COL24A1: variants seen among roughly 807,000 people sequenced by gnomAD.
COL24A1 encodes the protein collagen type XXIV alpha 1 chain, also known as collagen alpha-1(XXIV) chain.
Under a neutral mutation model 253.9 loss-of-function variants are expected in COL24A1, and 224 were observed. The ratio of observed to expected loss-of-function variants is 0.88; its 90% CI spans 0.79 to 0.99. The LOEUF (loss-of-function observed/expected upper bound fraction) is 0.99. Ranked by LOEUF, COL24A1 falls within the 50% of genes least tolerant of loss-of-function variation. The pLI, the probability that COL24A1 is intolerant of heterozygous loss-of-function variation, is 0.00. For missense variants in COL24A1, 2,131 were observed against 2,068.5 expected (o/e 1.03, Z -0.59); for synonymous variants, 685 against 673.7 (o/e 1.02, Z -0.26).
chr1:85,901,378 T>C (rs1684273896), intron 28 of COL24A1, among the ~76,000 whole-genome samples: 1 of 152,084 alleles, frequency 6.6e-6, no homozygotes, highest in African/African-American at 2.4e-5. Flanking sequence ...GAAGAATGAC[T>C]ATTATTAAAA....
chr1:85,875,207 C>T, intron 34 of COL24A1, 70 bp downstream of exon 34: 1 of 1,309,792 alleles, frequency 7.6e-7, no homozygotes, highest in Non-Finnish European at 1.1e-6. Flanking sequence ...ATAGGGGATT[C>T]AATGGTAGCA....
intron 37 of COL24A1, among the ~76,000 whole-genome samples, chr1:85,865,376 C>T (rs899987050): frequency 4.6e-5 from 7 of 151,900 alleles, no homozygotes. Flanking sequence ...AAGCTGAAAG[C>T]CATTTAAAAT....
At chr1:85,913,836 C>T (rs1006227087) in intron 24 of COL24A1, among the ~76,000 whole-genome samples, 4 of 152,308 alleles carry the variant, frequency 2.6e-5, no homozygotes, top group African/African-American at 9.6e-5. Context: ...CCAAATTCTT[C>T]CGGAATGAAG....
chr1:85,824,453 A>G (rs1673998455), intron 43 of COL24A1, among the ~76,000 whole-genome samples: 1 of 152,170 alleles, frequency 6.6e-6, no homozygotes, highest in African/African-American at 2.4e-5. Flanking sequence ...TTGAGAATAC[A>G]TTTCTTTTTC....
chr1:85,995,157 AT>A (rs11316655), intron 19 of COL24A1, among the ~76,000 whole-genome samples: 59,735 of 151,872 alleles, frequency 0.39, 12,207 homozygotes, highest in East Asian at 0.58. Context: ...TATTTACAGT[AT>A]TTTTTTTAAA....
At position 85,781,294 on chromosome 1, in the gene COL24A1, C is replaced by G. The variant is rs772189215; in HGVS notation, c.4285-21G>C. 30 of 1,560,374 alleles carry G rather than the reference C, an allele frequency of 1.9e-5. No individual in the cohort carries two copies. In the South Asian group the frequency reaches 3.2e-4, roughly 16 times the overall value. The stretch of plus-strand genomic sequence containing the variant: ...TTTCCCTGTTGAGGTAAAAGAAAAA[C>G]AGTCTCACTGTTAGTATAATTAAAA... On this transcript the variant is annotated intron_variant, in intron 51 of 59. Transcript: ENST00000370571.
intron 57 of COL24A1, among the ~76,000 whole-genome samples, chr1:85,739,726 C>G (rs1203280941): frequency 6.6e-6 from 1 of 152,102 alleles, no homozygotes; most frequent in Admixed American, 6.5e-5. Context: ...ATAGATGATG[C>G]TTTCAACATG....
At chr1:85,999,103 C>T (rs540871151) in intron 19 of COL24A1, among the ~76,000 whole-genome samples, 1 of 152,220 alleles carries the variant, frequency 6.6e-6, no homozygotes, top group South Asian at 2.1e-4. Context: ...TAGGGCCTCA[C>T]AGATGATTAA....
chr1:85,911,982 C>T lies in COL24A1; in HGVS notation c.2563-549G>A, dbSNP rs76073221. On this transcript the variant is annotated intron_variant, in intron 24 of 59. Transcript: ENST00000370571. ...GGCAAAAAGTCTCATAACAGGGAGA[C>T]AAAAGCAACTAAATTAAAAGTTAAA... Among the ~76,000 whole-genome samples the T allele has an allele frequency of 6.6e-5, 10 of 152,042 alleles. No individual in the cohort carries two copies. The East Asian group carries it at 1.9e-3, about 29-fold the overall frequency.
intron 43 of COL24A1, among the ~76,000 whole-genome samples, chr1:85,824,565 T>C (rs982199497): frequency 6.6e-6 from 1 of 152,100 alleles, no homozygotes; most frequent in East Asian, 1.9e-4. Flanking sequence ...CTGGGAGCAG[T>C]TACTGGGAGG....
Position 86,022,956 on chromosome 1 carries a change from T to A in COL24A1, c.2101A>T (p.Met701Leu). ...CCATTATACAAATAGAACCATACCA[T>A]TGGGCCAGGAATTCCAGCAGGTCCA... is the stretch of plus-strand genomic sequence containing the variant. ...PIGPAGIPGPMGLSGNKGLPG... is the reference protein window; with the variant it reads ...PIGPAGIPGPLGLSGNKGLPG... Residue 701 changes from methionine (M) to leucine (L), a missense_variant and splice_region_variant, in exon 15 of 60, where the codon ATG becomes TTG. Physicochemically the swap from Met to Leu is conservative, Grantham distance 15. Transcript: ENST00000370571. 1 of 1,613,276 alleles carries A rather than the reference T, an allele frequency of 6.2e-7. No homozygotes were observed. Among genetic ancestry groups the A allele is most frequent in the Non-Finnish European group, 8.5e-7 (1 of 1,179,518 alleles).
At chr1:85,860,086 G>A (rs1264546507) in intron 37 of COL24A1, among the ~76,000 whole-genome samples, 1 of 152,150 alleles carries the variant, frequency 6.6e-6, no homozygotes, top group Non-Finnish European at 1.5e-5. Flanking sequence ...CTTTGTGAAA[G>A]TAGCTATTTT....
At chr1:85,833,044 T>C (rs988534333) in intron 43 of COL24A1, among the ~76,000 whole-genome samples, 4 of 152,110 alleles carry the variant, frequency 2.6e-5, no homozygotes, top group African/African-American at 7.2e-5. Context: ...GCCCATTCAG[T>C]ATGATACTGG....
rs1324044056 is a variant in COL24A1, at chr1:85,896,083, C to T, written c.2833-18G>A. 3 of 1,611,518 alleles carry T rather than the reference C, an allele frequency of 1.9e-6. No homozygotes were observed. Among genetic ancestry groups the T allele is most frequent in the African/African-American group, 2.7e-5 (2 of 74,730 alleles). On this transcript the variant is annotated intron_variant, in intron 29 of 59. Coordinates refer to ENST00000370571, the MANE Select transcript of COL24A1 (RefSeq NM_152890.7). Reference sequence around the variant, plus strand: ...TTTTCACCCTAACAAAGTATCAAAGCCAGGTGAGTTAGTAAGAATGTGAAT... The same window carrying T: ...TTTTCACCCTAACAAAGTATCAAAGTCAGGTGAGTTAGTAAGAATGTGAAT...
rs78555989 is a variant in COL24A1, at chr1:85,783,509, G to A, written c.4271C>T (p.Pro1424Leu). ...GIVGISGPKGPIGHRGNTGPL... is the reference protein window; with the variant it reads ...GIVGISGPKGLIGHRGNTGPL... ...CTTTACACTTACTCTGTGTCCAATAGGACCTTTAGGACCTGATATCCCAAC... is the reference window on the plus strand; with the variant it reads ...CTTTACACTTACTCTGTGTCCAATAAGACCTTTAGGACCTGATATCCCAAC... The change falls in exon 51 of 60, where the codon CCT becomes CTT. Residue 1424 changes from proline (P) to leucine (L), a missense_variant. Coordinates refer to ENST00000370571, the MANE Select transcript of COL24A1 (RefSeq NM_152890.7). 3.1e-6 allele frequency: 5 copies of A among 1,613,098 alleles called. No homozygotes were observed. The East Asian group carries it at 1.1e-4, about 36-fold the overall frequency.
rs536994450 is a variant in COL24A1 at position 86,057,941 on chromosome 1, T to C, written c.1841A>G (p.Lys614Arg). 6.2e-7 allele frequency: 1 copy of C among 1,613,154 alleles called. No individual in the cohort carries two copies. The highest frequency in any genetic ancestry group is 2.2e-5 in the East Asian group (1 of 44,734). Residue 614 changes from lysine (K) to arginine (R), a missense_variant, in exon 10 of 60, where the codon AAA (lysine) becomes AGA (arginine). Lys to Arg is a conservative substitution (Grantham distance 26, BLOSUM62 2). Transcript: ENST00000370571. ...LAGPEGNPGP[K>R]GAQGFIGSPG... Reference sequence around the variant, plus strand: ...GAAATGCCTACTTACTTGTGCACCTTTAGGACCTGGATTACCTTCTGGTCC... The same window carrying C: ...GAAATGCCTACTTACTTGTGCACCTCTAGGACCTGGATTACCTTCTGGTCC...
intron 47 of COL24A1, among the ~76,000 whole-genome samples, chr1:85,813,517 A>C (rs1168458298): frequency 6.8e-6 from 1 of 147,560 alleles, no homozygotes; most frequent in Non-Finnish European, 1.5e-5. Context: ...AATTACTAGA[A>C]AATCTCATTC....
chr1:86,050,695 T>C (rs1353380552), intron 10 of COL24A1, among the ~76,000 whole-genome samples: 1 of 152,078 alleles, frequency 6.6e-6, no homozygotes, highest in Non-Finnish European at 1.5e-5. Flanking sequence ...TGTTTGTAAA[T>C]AGTAATTGAT....
At chr1:86,079,827 T>G (rs1174566437) in intron 7 of COL24A1, among the ~76,000 whole-genome samples, 1 of 152,176 alleles carries the variant, frequency 6.6e-6, no homozygotes, top group Non-Finnish European at 1.5e-5. Flanking sequence ...CATGGGAAGG[T>G]AAATTAGTAC....
Sources: allele counts gnomAD v4.1 joint callset (sites outside exome capture counted in the v4.1 genomes callset), GRCh38; gene constraint gnomAD v4.1.1; transcripts MANE v1.5; gene names NCBI Gene and HGNC (gene_info 2026-07-23, HGNC 2026-07-21).